DNAH12: variants seen among roughly 807,000 people sequenced by gnomAD.
DNAH12 encodes the protein axonemal beta dynein heavy chain 12.
In DNAH12, 285 loss-of-function variants were observed where a neutral mutation model predicts 371.5. The ratio of observed to expected loss-of-function variants is 0.77; its 90% confidence interval spans 0.70 to 0.85. DNAH12 has a LOEUF of 0.85. DNAH12 is among the 40% of genes least tolerant of loss of function. DNAH12 has a pLI of 0.00. For synonymous variants in DNAH12, 1,200 were observed against 1,213.0 expected, an observed-to-expected ratio of 0.99 and a Z score of 0.22; for missense variants, 3,611 against 3,689.4, an observed-to-expected ratio of 0.98 and a Z score of 0.55.
At chr3:57,475,002 C>A (rs1239959713) in intron 13 of DNAH12, among the ~76,000 whole-genome samples, 5 of 103,686 alleles carry the variant, frequency 4.8e-5, no homozygotes, top group Non-Finnish European at 1.0e-4. Context: ...TGGAACAGAA[C>A]AAGCTGCCTC....
intron 39 of DNAH12, among the ~76,000 whole-genome samples, chr3:57,412,013 T>C (rs530657380): frequency 4.7e-4 from 72 of 152,224 alleles, no homozygotes; most frequent in African/African-American, 1.5e-3. Context: ...AGCCCAGATA[T>C]AGACCCAATA....
intron 37 of DNAH12, among the ~76,000 whole-genome samples, chr3:57,416,445 A>G (rs35979257): frequency 0.031 from 4,751 of 152,304 alleles, 101 homozygotes; most frequent in Middle Eastern, 0.054. Context: ...TAATATCGCT[A>G]TATATAAAAC....
intron 50 of DNAH12, among the ~76,000 whole-genome samples, 158 bp from the exon 51 acceptor site, chr3:57,380,525 G>A (rs1194638414): frequency 6.6e-6 from 1 of 152,182 alleles, no homozygotes; most frequent in Non-Finnish European, 1.5e-5. Flanking sequence ...CCAGGCTGGA[G>A]TACTGTGGTG....
At chr3:57,349,628 C>G (rs1325149997) in intron 60 of DNAH12, among the ~76,000 whole-genome samples, 3 of 152,178 alleles carry the variant, frequency 2.0e-5, no homozygotes, top group Admixed American at 6.5e-5. Context: ...AAATACTACT[C>G]AGCCATAAAA....
chr3:57,493,352 A>G (rs1336918688), intron 11 of DNAH12, among the ~76,000 whole-genome samples: 1 of 152,208 alleles, frequency 6.6e-6, no homozygotes, highest in Non-Finnish European at 1.5e-5. Flanking sequence ...TTTATATTGC[A>G]TTAGGTATTA....
rs377199907 is a variant in DNAH12, at chr3:57,523,644, G to A, written c.253-35C>T. ...ACAAACAGGATATAATTAAATCAAG[G>A]AGAACATTTTAAAATTAATTTAAAT... On this transcript the variant is annotated intron_variant, in intron 3 of 73. Coordinates refer to ENST00000495027, the MANE Select transcript of DNAH12 (RefSeq NM_001366028.2). The A allele has an allele frequency of 1.2e-5, 18 of 1,466,854 alleles. No homozygotes were observed. The African/African-American group carries it at 2.2e-4, about 18-fold the overall frequency. 90.9% of individuals were successfully genotyped at this position (1,466,854 alleles called of 1,614,324 possible). A position where few individuals can be genotyped will look rare whatever the true frequency, so the allele number is the denominator to read the frequency against.
At position 57,334,925 on chromosome 3, in the gene DNAH12, A is replaced by T. The variant is rs1250061402; in HGVS notation, c.9690T>A (p.Ile3230=). 13 of 1,548,594 alleles carry T rather than the reference A, an allele frequency of 8.4e-6. No individual in the cohort carries two copies. The highest frequency in any genetic ancestry group is 9.6e-6 in the Non-Finnish European group (11 of 1,146,326). The change falls in exon 61 of 74, where the codon ATT becomes ATA. Residue 3230 remains isoleucine, a synonymous_variant. Coordinates refer to ENST00000495027, the MANE Select transcript of DNAH12 (RefSeq NM_001366028.2). The part of the protein sequence containing the change: ...CANLLLARKE[I]EYQELMFLLT... ...AAAGAAACATCAGTTCCTGGTATTC[A>T]ATCTCTTTCCTTGCCCTGTATTCCC...
intron 39 of DNAH12, among the ~76,000 whole-genome samples, chr3:57,412,944 T>A (rs1286690104): frequency 1.3e-5 from 2 of 152,244 alleles, no homozygotes; most frequent in African/African-American, 4.8e-5. Context: ...TGGTATTTAC[T>A]CAAAGAAGTT....
intron 45 of DNAH12, among the ~76,000 whole-genome samples, chr3:57,391,652 A>G (rs893192535): frequency 6.0e-4 from 91 of 152,174 alleles, no homozygotes; most frequent in Non-Finnish European, 1.1e-3. Flanking sequence ...TTATATAATC[A>G]TGATTACTGA....
chr3:57,393,640 A>AG (rs1459211092), intron 44 of DNAH12, among the ~76,000 whole-genome samples: 1 of 144,008 alleles, frequency 6.9e-6, no homozygotes, highest in East Asian at 1.9e-4. Flanking sequence ...AAAAAAAAAA[A>AG]AAAAAAAAAA....
intron 53 of DNAH12, among the ~76,000 whole-genome samples, chr3:57,376,468 C>A (rs971823999): frequency 5.9e-5 from 9 of 152,264 alleles, no homozygotes; most frequent in African/African-American, 2.2e-4. Flanking sequence ...CTAATCTGTA[C>A]TACAAAGTCT....
chr3:57,502,221 C>A lies in DNAH12; in HGVS notation c.1243+102G>T, dbSNP rs1008498085. 2.7e-6 allele frequency: 4 copies of A among 1,479,136 alleles called. No homozygotes were observed. The Admixed American group carries it at 5.3e-5, about 20-fold the overall frequency. The allele number at this position is 1,479,136 out of a possible 1,614,324, so 91.6% of individuals were successfully genotyped here. On this transcript the variant is annotated intron_variant, in intron 10 of 73. Coordinates refer to ENST00000495027, the MANE Select transcript of DNAH12 (RefSeq NM_001366028.2). Reference sequence around the variant, plus strand: ...TACGCCTATGCTCACTTCTGGCTCTCCCTGTTCTTTCATGGCAGCCCCAGA... The same window carrying A: ...TACGCCTATGCTCACTTCTGGCTCTACCTGTTCTTTCATGGCAGCCCCAGA...
At chr3:57,549,940 T>C in the DNAH12 span, among the ~76,000 whole-genome samples, 2 of 152,056 alleles carry the variant, frequency 1.3e-5, no homozygotes, top group Non-Finnish European at 2.9e-5. Flanking sequence ...CTTTTATTAA[T>C]ACCACCAGAA....
upstream of DNAH12, among the ~76,000 whole-genome samples, chr3:57,546,311 C>T (rs1163061713): frequency 2.6e-5 from 4 of 152,182 alleles, no homozygotes; most frequent in Middle Eastern, 3.4e-3. Context: ...TTTGGGTCTG[C>T]GCTCCTTAAT....
intron 2 of DNAH12, among the ~76,000 whole-genome samples, chr3:57,542,106 C>G (rs1022306291): frequency 3.6e-5 from 5 of 138,726 alleles, no homozygotes; most frequent in African/African-American, 1.4e-4. Flanking sequence ...CCAACCTCAT[C>G]ACAGCCTTTG....
the DNAH12 span, among the ~76,000 whole-genome samples, chr3:57,553,621 C>T: frequency 6.6e-6 from 1 of 152,152 alleles, no homozygotes; most frequent in Non-Finnish European, 1.5e-5. Context: ...AAGCCAAAGA[C>T]AAAAGCTCAT....
At chr3:57,350,863 C>T (rs1308818622) in intron 60 of DNAH12, among the ~76,000 whole-genome samples, 2 of 152,070 alleles carry the variant, frequency 1.3e-5, no homozygotes, top group African/African-American at 4.8e-5. Context: ...TCCAAGTGGC[C>T]TATAAACATG....
chr3:57,548,988 T>A (rs1176665706), upstream of DNAH12: 5 of 152,150 alleles, frequency 3.3e-5, 1 homozygote. Context: ...CACTTTTTCA[T>A]AGAGAGAAGA....
At chr3:57,402,974 C>T (rs1460621525) in intron 43 of DNAH12, among the ~76,000 whole-genome samples, 1 of 152,028 alleles carries the variant, frequency 6.6e-6, no homozygotes, top group Non-Finnish European at 1.5e-5. Flanking sequence ...TTTAAAGCAG[C>T]AGCCATGGTA....
Sources: allele counts gnomAD v4.1 joint callset (sites outside exome capture counted in the v4.1 genomes callset), GRCh38; gene constraint gnomAD v4.1.1; transcripts MANE v1.5; gene names NCBI Gene and HGNC (gene_info 2026-07-23, HGNC 2026-07-21).